Variants in INPP5F observed in about 807,000 individuals in gnomAD.
The protein encoded by INPP5F is phosphatidylinositide 4-phosphatase SAC2.
Under a neutral mutation model 137.2 loss-of-function variants are expected in INPP5F, and 97 were observed. That is an observed-to-expected ratio of 0.71 (90% CI 0.60 to 0.84). The LOEUF (loss-of-function observed/expected upper bound fraction) is 0.84. Among genes scored for constraint, INPP5F ranks in the 40% least tolerant of loss-of-function variants. The pLI, the probability that INPP5F is intolerant of heterozygous loss-of-function variation, is 0.00. For missense variants in INPP5F, 1,271 were observed against 1,371.9 expected (o/e 0.93, Z 1.16); for synonymous variants, 504 against 476.9 (o/e 1.06, Z -0.74).
intron 2 of INPP5F, among the ~76,000 whole-genome samples, chr10:119,751,556 T>G (rs976604323): frequency 6.6e-6 from 1 of 152,088 alleles, no homozygotes; most frequent in Non-Finnish European, 1.5e-5. Context: ...GAGACGAGTA[T>G]GGGTCTCTTA....
chr10:119,827,527 T>C lies in INPP5F; in HGVS notation c.3146T>C (p.Leu1049Pro). The C allele has an allele frequency of 6.2e-7, 1 of 1,614,156 alleles. No homozygotes were observed. Residue 1049 changes from leucine (L) to proline (P), a missense_variant, in exon 20 of 20, where the codon CTT (leucine) becomes CCT (proline). Transcript: ENST00000650623. ...TPTSASSMLELETGLHVTPSP... is the reference protein window; with the variant it reads ...TPTSASSMLEPETGLHVTPSP... Reference sequence around the variant, plus strand: ...ACCTCCGCTTCCAGCATGCTTGAACTTGAGACAGGGCTTCATGTAACTCCT... The same window carrying C: ...ACCTCCGCTTCCAGCATGCTTGAACCTGAGACAGGGCTTCATGTAACTCCT...
At chr10:119,814,985 C>A (rs1851207346) in intron 15 of INPP5F, among the ~76,000 whole-genome samples, 1 of 152,132 alleles carries the variant, frequency 6.6e-6, no homozygotes, top group Admixed American at 6.5e-5. Context: ...TCTGCCTCAG[C>A]CTCCTGAGTA....
At chr10:119,810,553 T>A (rs565314072) in intron 14 of INPP5F, among the ~76,000 whole-genome samples, 3 of 152,254 alleles carry the variant, frequency 2.0e-5, no homozygotes, top group Non-Finnish European at 4.4e-5. Flanking sequence ...TGTTTTCTCA[T>A]TACTCAAGGC....
intron 2 of INPP5F, among the ~76,000 whole-genome samples, chr10:119,759,212 G>T (rs1848938962): frequency 6.6e-6 from 1 of 151,654 alleles, no homozygotes. Context: ...ATAGAGACAG[G>T]GTTTTGCCGT....
At position 119,781,653 on chromosome 10, in the gene INPP5F, T is replaced by C; in HGVS notation, c.197T>C (p.Ile66Thr). 1 of 1,611,198 alleles carries C rather than the reference T, an allele frequency of 6.2e-7. No homozygotes were observed. The highest frequency in any genetic ancestry group is 8.5e-7 in the Non-Finnish European group (1 of 1,178,168). The change falls in exon 3 of 20, where the codon ATT becomes ACT. Residue 66 changes from isoleucine to threonine, a missense_variant. Ile to Thr is a moderately conservative substitution (Grantham distance 89). This residue lies in a region of INPP5F where 109 missense variants were observed against 105.1 expected (regional missense o/e 1.04). Coordinates refer to ENST00000650623, the MANE Select transcript of INPP5F (RefSeq NM_014937.4). ...CTTTCAGATCTTCCATGGTGGCTTATTCTAATTCGGCAGAAAGCATTGGTG... is the reference window on the plus strand; with the variant it reads ...CTTTCAGATCTTCCATGGTGGCTTACTCTAATTCGGCAGAAAGCATTGGTG... Reference protein sequence around the residue: ...QLHSDLPWWLILIRQKALVGK... With the variant: ...QLHSDLPWWLTLIRQKALVGK...
intron 2 of INPP5F, among the ~76,000 whole-genome samples, chr10:119,774,489 C>A (rs578082307): frequency 1.0e-4 from 15 of 149,712 alleles, no homozygotes; most frequent in African/African-American, 3.7e-4. Flanking sequence ...TTTGTTTGTT[C>A]GTTTTGTTTT....
At chr10:119,775,744 G>T (rs1175465830) in intron 2 of INPP5F, among the ~76,000 whole-genome samples, 2 of 152,094 alleles carry the variant, frequency 1.3e-5, no homozygotes, top group Non-Finnish European at 2.9e-5. Flanking sequence ...GGTGGATTTG[G>T]TTTGATTATA....
At chr10:119,811,735 G>C (rs1420301013) in intron 14 of INPP5F, 22 bp from the exon 15 acceptor site, 1 of 1,569,602 alleles carries the variant, frequency 6.4e-7, no homozygotes, top group African/African-American at 1.4e-5. Context: ...AATGATGATA[G>C]ATATTAACAA....
intron 2 of INPP5F, among the ~76,000 whole-genome samples, chr10:119,767,203 G>T (rs1390138294): frequency 2.1e-5 from 3 of 143,900 alleles, no homozygotes; most frequent in Non-Finnish European, 4.5e-5. Context: ...AAGAAATGAA[G>T]ATCAATGGAA....
chr10:119,825,014 A>G (rs957082731), intron 19 of INPP5F, among the ~76,000 whole-genome samples: 3 of 152,206 alleles, frequency 2.0e-5, no homozygotes, highest in Non-Finnish European at 2.9e-5. Context: ...GGTTCTATCA[A>G]TTACTCTTTA....
At chr10:119,814,570 G>C (rs1851187419) in intron 15 of INPP5F, 1 of 152,194 alleles carries the variant, frequency 6.6e-6, no homozygotes, top group Non-Finnish European at 1.5e-5. Context: ...CAGCTGAGGA[G>C]TTCTTCCCCA....
Position 119,787,832 on chromosome 10 carries a change from T to C in INPP5F, c.316-3685T>C, listed in dbSNP as rs1011404056. Among the ~76,000 whole-genome samples the C allele has an allele frequency of 3.3e-5, 5 of 152,066 alleles. No homozygotes were observed. The highest frequency in any genetic ancestry group is 6.5e-5 in the Admixed American group (1 of 15,272). ...AGGACTAACAGGGCTTCATGGGAGATGGGATCCTGGGGCCATGCTTAGCAC... is the reference window on the plus strand; with the variant it reads ...AGGACTAACAGGGCTTCATGGGAGACGGGATCCTGGGGCCATGCTTAGCAC... On this transcript the variant is annotated intron_variant, in intron 3 of 19. Coordinates refer to ENST00000650623, the MANE Select transcript of INPP5F (RefSeq NM_014937.4). The surrounding 1 kb of genome is among the most constrained non-coding windows in gnomAD (Gnocchi z 4.1).
intron 1 of INPP5F, among the ~76,000 whole-genome samples, chr10:119,739,202 C>T (rs1564800860): frequency 6.6e-6 from 1 of 151,884 alleles, no homozygotes; most frequent in Non-Finnish European, 1.5e-5. Context: ...AAAAAATTGC[C>T]CAGAAGTTTT....
At chr10:119,798,432 G>C (rs1273302543) in intron 8 of INPP5F, 111 bp from the exon 9 acceptor site, 1 of 718,562 alleles carries the variant, frequency 1.4e-6, no homozygotes, top group Admixed American at 2.6e-5. Context: ...GACAATCTTA[G>C]TTCATTTGGG....
chr10:119,797,669 A>G (rs1850433641), intron 8 of INPP5F, 29 bp downstream of exon 8: 1 of 1,543,588 alleles, frequency 6.5e-7, no homozygotes, highest in Non-Finnish European at 8.8e-7. Flanking sequence ...GGGTTTGCAA[A>G]TGATGATTTC....
intron 2 of INPP5F, among the ~76,000 whole-genome samples, chr10:119,761,428 A>T (rs975107436): frequency 6.6e-6 from 1 of 152,216 alleles, no homozygotes; most frequent in Non-Finnish European, 1.5e-5. Context: ...ACTTTTAGCT[A>T]TTAGGTACCT....
At chr10:119,754,350 T>C (rs1033220506) in intron 2 of INPP5F, among the ~76,000 whole-genome samples, 1 of 152,206 alleles carries the variant, frequency 6.6e-6, no homozygotes, top group Non-Finnish European at 1.5e-5. Context: ...AGTCAAAGTA[T>C]GGTCATTTAG....
intron 2 of INPP5F, among the ~76,000 whole-genome samples, chr10:119,759,428 A>G (rs1848944733): frequency 6.6e-6 from 1 of 151,966 alleles, no homozygotes; most frequent in African/African-American, 2.4e-5. Flanking sequence ...TTGCTCTTGT[A>G]GCCCAGGCTG....
At chr10:119,815,450 A>C (rs1225719325) in intron 15 of INPP5F, 2 of 153,844 alleles carry the variant, frequency 1.3e-5, no homozygotes, top group Non-Finnish European at 2.9e-5. Context: ...ATTCCCTTTG[A>C]TCTTCATCCT....
Sources: allele counts gnomAD v4.1 joint callset (sites outside exome capture counted in the v4.1 genomes callset), GRCh38; gene constraint gnomAD v4.1.1; regional missense constraint gnomAD v4.1.1; non-coding constraint Gnocchi (gnomAD v3.1); transcripts MANE v1.5; gene names NCBI Gene and HGNC (gene_info 2026-07-23, HGNC 2026-07-21).